Variants in CALCR observed in about 807,000 individuals in gnomAD.
CALCR encodes the protein calcitonin receptor.
CALCR carries 47 observed loss-of-function variants against 59.5 expected under a neutral mutation model. The observed-to-expected ratio is 0.79, with a 90% confidence interval of 0.63 to 1.01. CALCR has a LOEUF of 1.01. Among genes scored for constraint, CALCR ranks in the 50% least tolerant of loss-of-function variants. CALCR has a pLI of 0.00. For synonymous variants in CALCR, 213 were observed against 211.3 expected (o/e 1.01, Z -0.07); for missense variants, 566 against 597.1 (o/e 0.95, Z 0.54).
chr7:93,566,813 A>C (rs1190914589), intron 2 of CALCR, among the ~76,000 whole-genome samples: 10 of 152,156 alleles, frequency 6.6e-5, no homozygotes, highest in Non-Finnish European at 1.5e-5. Context: ...TTCTATTTTT[A>C]GTTATACCTG....
chr7:93,528,869 T>C (rs1788750606), intron 2 of CALCR, among the ~76,000 whole-genome samples: 2 of 152,182 alleles, frequency 1.3e-5, no homozygotes, highest in South Asian at 2.1e-4. Context: ...CTGATACTGA[T>C]AGTATTTAAC....
chr7:93,523,201 T>C (rs1349237389), intron 2 of CALCR, among the ~76,000 whole-genome samples: 1 of 152,208 alleles, frequency 6.6e-6, no homozygotes, highest in East Asian at 1.9e-4. Flanking sequence ...TTGAATTTTC[T>C]CTCCAATAGT....
At chr7:93,498,589 GTTTCAATGC>G (rs1562997750) in intron 2 of CALCR, among the ~76,000 whole-genome samples, 1 of 151,572 alleles carries the variant, frequency 6.6e-6, no homozygotes, top group Non-Finnish European at 1.5e-5. Flanking sequence ...TATTAGATGT[GTTTCAATGC>G]TTTCTTAAGA....
rs376096719 is a variant in CALCR, at chr7:93,448,675, G to A, written c.649-4918C>T. ...TTCTCTTCTCAGTTAAGTCAGAGGAGAAAAAATGGATCAGACTAGTGGGGC... is the reference window on the plus strand; with the variant it reads ...TTCTCTTCTCAGTTAAGTCAGAGGAAAAAAAATGGATCAGACTAGTGGGGC... On this transcript the variant is annotated intron_variant, in intron 8 of 13. Transcript: ENST00000426151. Among the ~76,000 whole-genome samples the A allele has an allele frequency of 1.5e-3, 224 of 152,076 alleles. 2 individuals carry two copies. Among genetic ancestry groups the A allele is most frequent in the Middle Eastern group, 0.014 (4 of 294 alleles).
chr7:93,468,474 T>C (rs1459369770), intron 7 of CALCR, among the ~76,000 whole-genome samples: 1 of 151,794 alleles, frequency 6.6e-6, no homozygotes, highest in Non-Finnish European at 1.5e-5. Flanking sequence ...TGTCTTATTT[T>C]GGGAAGTCTC....
intron 2 of CALCR, among the ~76,000 whole-genome samples, chr7:93,491,196 C>A (rs549981773): frequency 2.0e-4 from 31 of 152,156 alleles, no homozygotes; most frequent in African/African-American, 7.5e-4. Context: ...GGAAAACTAG[C>A]TAGCCATATG....
chr7:93,535,710 G>A (rs1788967343), intron 2 of CALCR, among the ~76,000 whole-genome samples: 1 of 151,592 alleles, frequency 6.6e-6, no homozygotes, highest in African/African-American at 2.4e-5. Flanking sequence ...TTTAAAACCA[G>A]AAATAAATAA....
intron 2 of CALCR, among the ~76,000 whole-genome samples, chr7:93,569,914 A>G (rs992739830): frequency 1.3e-5 from 2 of 149,598 alleles, no homozygotes; most frequent in African/African-American, 5.0e-5. Flanking sequence ...CAGCTCTACA[A>G]TGGAACCATT....
intron 1 of CALCR, 23 bp from the exon 2 acceptor site, chr7:93,574,529 T>G (rs1472068022): frequency 6.6e-6 from 1 of 152,240 alleles, no homozygotes; most frequent in East Asian, 1.9e-4. Flanking sequence ...GAGAGCAAAC[T>G]GCGTTAGTCT....
At chr7:93,438,506 C>A (rs774403233) in intron 9 of CALCR, among the ~76,000 whole-genome samples, 7 of 152,136 alleles carry the variant, frequency 4.6e-5, no homozygotes, top group Non-Finnish European at 7.3e-5. Context: ...TAATTAAAAG[C>A]CTTTTACAAA....
chr7:93,434,197 A>G, intron 13 of CALCR, 56 bp downstream of exon 13: 4 of 1,288,846 alleles, frequency 3.1e-6, no homozygotes, highest in Non-Finnish European at 4.5e-6. Flanking sequence ...GGCCCTTTGG[A>G]AAAAATGCTG....
At chr7:93,431,341 C>T (rs1457185245) in intron 13 of CALCR, among the ~76,000 whole-genome samples, 1 of 152,212 alleles carries the variant, frequency 6.6e-6, no homozygotes, top group Non-Finnish European at 1.5e-5. Context: ...CCCCTGGCAC[C>T]ATGTCCAACA....
intron 2 of CALCR, among the ~76,000 whole-genome samples, chr7:93,564,003 T>C (rs1789803402): frequency 1.3e-5 from 2 of 152,240 alleles, no homozygotes; most frequent in Non-Finnish European, 2.9e-5. Flanking sequence ...ATGTGTTAGC[T>C]ATTATTACCA....
At chr7:93,454,916 T>TTGTGTGTGTGTG (rs4015273) in intron 8 of CALCR, among the ~76,000 whole-genome samples, 60 of 145,008 alleles carry the variant, frequency 4.1e-4, no homozygotes, top group African/African-American at 1.2e-3. Flanking sequence ...ACAGGGCATT[T>TTGTGTGTGTGTG]TGTGTGTGTG....
chr7:93,546,940 G>A (rs1319776657), intron 2 of CALCR, among the ~76,000 whole-genome samples: 1 of 152,120 alleles, frequency 6.6e-6, no homozygotes, highest in African/African-American at 2.4e-5. Context: ...AAGATAAACT[G>A]CTGTGTATGC....
At chr7:93,552,877 A>G (rs1789498080) in intron 2 of CALCR, among the ~76,000 whole-genome samples, 1 of 152,196 alleles carries the variant, frequency 6.6e-6, no homozygotes, top group African/African-American at 2.4e-5. Context: ...TATTTTGTCC[A>G]GATAGACATG....
chr7:93,458,299 G>A (rs1800249002), intron 8 of CALCR, among the ~76,000 whole-genome samples: 1 of 152,128 alleles, frequency 6.6e-6, no homozygotes, highest in Admixed American at 6.6e-5. Flanking sequence ...CATGCTCTGG[G>A]CAGATTTCAC....
At chr7:93,572,287 G>T (rs1790023949) in intron 2 of CALCR, among the ~76,000 whole-genome samples, 5 of 151,720 alleles carry the variant, frequency 3.3e-5, no homozygotes, top group Admixed American at 3.3e-4. Flanking sequence ...TTTATCAAAA[G>T]CCTCCCACAT....
rs537531813 is a variant in CALCR at position 93,446,375 on chromosome 7, G to A, written c.649-2618C>T. On this transcript the variant is annotated intron_variant, in intron 8 of 13. Coordinates refer to ENST00000426151, the MANE Select transcript of CALCR (RefSeq NM_001742.4). ...GTTTCATAACTAAGGTGGTTTATCA[G>A]TGTCACCTGATAATTTTTTAAGAAA... Among the ~76,000 whole-genome samples, 4 of 151,990 alleles carry A rather than the reference G, an allele frequency of 2.6e-5. No homozygotes were observed. The East Asian group carries it at 5.8e-4, about 22-fold the overall frequency.
Sources: allele counts gnomAD v4.1 joint callset (sites outside exome capture counted in the v4.1 genomes callset), GRCh38; gene constraint gnomAD v4.1.1; transcripts MANE v1.5; gene names NCBI Gene and HGNC (gene_info 2026-07-23, HGNC 2026-07-21).